The following FAXDC2 variants were observed in gnomAD, a reference collection of about 807,000 sequenced individuals.
FAXDC2 encodes the protein fatty acid hydroxylase domain containing 2, also known as fatty acid hydroxylase domain-containing protein 2.
Under a neutral mutation model 40.9 loss-of-function variants are expected in FAXDC2, and 41 were observed. The ratio of observed to expected loss-of-function variants is 1.00; its 90% CI spans 0.78 to 1.30. The LOEUF is 1.30. Ranked by LOEUF, FAXDC2 falls within the 50% of genes most tolerant of loss-of-function variation. FAXDC2 has a pLI of 0.00. For missense variants in FAXDC2, 390 were observed against 408.8 expected (o/e 0.95, Z 0.40); for synonymous variants, 157 against 149.3 (o/e 1.05, Z -0.38).
At chr5:154,824,151 G>A (rs1344051166) in intron 5 of FAXDC2, 1 of 291,220 alleles carries the variant, frequency 3.4e-6, no homozygotes, top group African/African-American at 2.1e-5. Context: ...TCACAGTGAT[G>A]CTGTGAAGAT....
At chr5:154,823,620 G>A in intron 5 of FAXDC2, 28 bp from the exon 6 acceptor site, 2 of 1,588,488 alleles carry the variant, frequency 1.3e-6, no homozygotes, top group Non-Finnish European at 1.7e-6. Context: ...GGAGGGAGAT[G>A]GATAAGAGTG....
chr5:154,840,166 G>T (rs1219078299), intron 1 of FAXDC2, among the ~76,000 whole-genome samples: 1 of 152,132 alleles, frequency 6.6e-6, no homozygotes, highest in East Asian at 1.9e-4. Context: ...TTTTGTATAT[G>T]ATTGTACTTA....
intron 5 of FAXDC2, chr5:154,824,555 A>C: frequency 1.4e-6 from 1 of 702,626 alleles, no homozygotes; most frequent in South Asian, 1.5e-5. Context: ...AGGTCTCGCC[A>C]GCCTGTTGTG....
chr5:154,835,527 A>T (rs1160327512), intron 2 of FAXDC2, among the ~76,000 whole-genome samples: 1 of 151,750 alleles, frequency 6.6e-6, no homozygotes, highest in Admixed American at 6.6e-5. Flanking sequence ...TTCCATCCCT[A>T]CCCTCCTCTT....
intron 1 of FAXDC2, among the ~76,000 whole-genome samples, chr5:154,839,195 G>A (rs969445135): frequency 1.3e-5 from 2 of 151,800 alleles, no homozygotes; most frequent in African/African-American, 4.8e-5. Flanking sequence ...GCATGGTGGT[G>A]CATGCCTGTT....
chr5:154,838,573 A>G (rs1347389539), intron 1 of FAXDC2: 1 of 239,204 alleles, frequency 4.2e-6, no homozygotes, highest in Non-Finnish European at 8.1e-6. Context: ...CCAGAACTCA[A>G]AGAGTAGTTC....
chr5:154,831,839 C>G lies in FAXDC2; in HGVS notation c.245-917G>C, dbSNP rs1300970908. On this transcript the variant is annotated intron_variant, in intron 4 of 8. Coordinates refer to ENST00000326080, the MANE Select transcript of FAXDC2 (RefSeq NM_032385.5). ...GAAAGGGAGAAAGAAGAAAAGGACA[C>G]ACGTCTGTTTGTATGCATAAATGTC... Among the ~76,000 whole-genome samples the G allele has an allele frequency of 3.9e-5, 6 of 151,930 alleles. No homozygotes were observed. The South Asian group carries it at 1.2e-3, about 32-fold the overall frequency.
In FAXDC2 at chr5:154,818,585, A is replaced by G. The variant is rs917867456; in HGVS notation, c.*1731T>C. 6.6e-6 allele frequency: 1 copy of G among 152,172 alleles called. No homozygotes were observed. Among genetic ancestry groups the G allele is most frequent in the South Asian group, 2.1e-4 (1 of 4,824 alleles). 9.4% of individuals were successfully genotyped at this position (152,172 alleles called of 1,614,324 possible). A position where few individuals can be genotyped will look rare whatever the true frequency, so the allele number is the denominator to read the frequency against. ...CAGCCTTAACTTGTATACCAACCTC[A>G]AGGATTTTGTTTGATACAGAAAAGG... On this transcript the variant is annotated 3_prime_UTR_variant, in exon 9 of 9. Coordinates refer to ENST00000326080, the MANE Select transcript of FAXDC2 (RefSeq NM_032385.5).
chr5:154,848,526 G>A (rs935154492), intron 1 of FAXDC2, among the ~76,000 whole-genome samples: 1 of 152,104 alleles, frequency 6.6e-6, no homozygotes, highest in Non-Finnish European at 1.5e-5. Context: ...CTGAGCAGTC[G>A]ACCTCCAGGG....
At chr5:154,845,481 A>C (rs1463472000) in intron 1 of FAXDC2, among the ~76,000 whole-genome samples, 1 of 152,102 alleles carries the variant, frequency 6.6e-6, no homozygotes, top group African/African-American at 2.4e-5. Context: ...TGGACTGGGC[A>C]TGGTGTCTCA....
At chr5:154,848,903 G>T (rs1760669661) in intron 1 of FAXDC2, among the ~76,000 whole-genome samples, 2 of 152,136 alleles carry the variant, frequency 1.3e-5, no homozygotes, top group Non-Finnish European at 2.9e-5. Context: ...GGAGGCGGAG[G>T]TTGCAGTGAG....
chr5:154,820,599 A>G (rs891734960), intron 8 of FAXDC2, 127 bp from the exon 9 acceptor site: 6 of 703,756 alleles, frequency 8.5e-6, no homozygotes, highest in African/African-American at 7.4e-5. Context: ...CATCCTGACC[A>G]TCTGCATCAG....
intron 4 of FAXDC2, 110 bp downstream of exon 4, chr5:154,834,515 C>T (rs1383395113): frequency 1.3e-6 from 1 of 789,988 alleles, no homozygotes; most frequent in African/African-American, 1.7e-5. Flanking sequence ...AAGTCCTCAT[C>T]CCTTGGAATA....
At chr5:154,831,526 T>G (rs1760191857) in intron 4 of FAXDC2, among the ~76,000 whole-genome samples, 2 of 152,004 alleles carry the variant, frequency 1.3e-5, no homozygotes, top group Admixed American at 1.3e-4. Context: ...CATGGCTCAC[T>G]GTAGCCTCGA....
At chr5:154,841,451 C>A (rs1295928672) in intron 1 of FAXDC2, among the ~76,000 whole-genome samples, 2 of 152,054 alleles carry the variant, frequency 1.3e-5, no homozygotes, top group African/African-American at 4.8e-5. Context: ...ACCTGAGCTT[C>A]CAGAAGGACA....
chr5:154,836,320 C>T (rs1335718043), intron 2 of FAXDC2: 15 of 152,186 alleles, frequency 9.9e-5, no homozygotes, highest in Admixed American at 9.2e-4. Context: ...CTGAGAGGTC[C>T]TTGTATATTC....
intron 4 of FAXDC2, among the ~76,000 whole-genome samples, chr5:154,832,963 A>C (rs1238553848): frequency 1.3e-5 from 2 of 152,144 alleles, no homozygotes; most frequent in East Asian, 3.9e-4. Context: ...CTTTATAGCA[A>C]CTGACACTTT....
intron 1 of FAXDC2, 148 bp from the exon 2 acceptor site, chr5:154,838,326 T>C (rs1318090388): frequency 8.7e-6 from 6 of 689,376 alleles, no homozygotes; most frequent in Non-Finnish European, 1.2e-5. Context: ...ACCAGACAAA[T>C]TGATTTGAAA....
At chr5:154,839,577 G>A (rs1382473999) in intron 1 of FAXDC2, among the ~76,000 whole-genome samples, 1 of 151,844 alleles carries the variant, frequency 6.6e-6, no homozygotes, top group Non-Finnish European at 1.5e-5. Context: ...GAGTTTGGGA[G>A]ATGGAGGCTG....
Sources: allele counts gnomAD v4.1 joint callset (sites outside exome capture counted in the v4.1 genomes callset), GRCh38; gene constraint gnomAD v4.1.1; transcripts MANE v1.5; gene names NCBI Gene and HGNC (gene_info 2026-07-23, HGNC 2026-07-21).